The following TM6SF1 variants were observed in gnomAD, a reference collection of about 807,000 sequenced individuals.
TM6SF1 encodes the protein transmembrane 6 superfamily member 1.
TM6SF1 carries 43 observed loss-of-function variants against 47.1 expected under a neutral mutation model. The ratio of observed to expected loss-of-function variants is 0.91; its 90% CI spans 0.72 to 1.18. The LOEUF is 1.18. Ranked by LOEUF, TM6SF1 falls within the 50% of genes most tolerant of loss-of-function variation. The probability of loss-of-function intolerance (pLI) is 0.00; values close to 1 mark genes in which losing one functional copy is unlikely to be tolerated. For synonymous variants in TM6SF1, 177 were observed against 166.3 expected, an observed-to-expected ratio of 1.06 and a Z score of -0.49; for missense variants, 390 against 449.0, an observed-to-expected ratio of 0.87 and a Z score of 1.19.
intron 3 of TM6SF1, among the ~76,000 whole-genome samples, chr15:83,119,147 A>G (rs1286731746): frequency 2.0e-5 from 3 of 152,182 alleles, no homozygotes; most frequent in Admixed American, 2.0e-4. Flanking sequence ...CAGCCCAGCA[A>G]GCCACGGGAT....
chr15:83,112,947 A>G (rs1596471028), intron 2 of TM6SF1, 47 bp downstream of exon 2: 2 of 1,431,854 alleles, frequency 1.4e-6, no homozygotes, highest in East Asian at 4.5e-5. Flanking sequence ...TAATAACACA[A>G]TACTTTCAGC....
In TM6SF1 at chr15:83,124,732, G is replaced by T; in HGVS notation, c.664G>T (p.Val222Leu). The T allele has an allele frequency of 6.2e-7, 1 of 1,614,164 alleles. No homozygotes were observed. The highest frequency in any genetic ancestry group is 8.5e-7 in the Non-Finnish European group (1 of 1,180,024). ...LRRPFDLMLV[V>L]CLLLATGFCL... ...AAGACCATTTGATTTAATGTTGGTTGTGTGTCTCCTCCTGGCAACTGGATT... is the reference window on the plus strand; with the variant it reads ...AAGACCATTTGATTTAATGTTGGTTTTGTGTCTCCTCCTGGCAACTGGATT... The change falls in exon 7 of 10, where the codon GTG becomes TTG. Residue 222 changes from valine (V) to leucine (L), a missense_variant. By Grantham distance (32) the Val-to-Leu change is conservative. Transcript: ENST00000322019.
intron 7 of TM6SF1, among the ~76,000 whole-genome samples, chr15:83,125,707 GGC>G (rs2035682025): frequency 6.6e-6 from 1 of 152,170 alleles, no homozygotes; most frequent in Non-Finnish European, 1.5e-5. Flanking sequence ...GAAGCCTGTT[GGC>G]GCGCGTAACA....
At chr15:83,133,445 T>A (rs1156347514) in intron 9 of TM6SF1, 2 of 152,244 alleles carry the variant, frequency 1.3e-5, no homozygotes, top group Non-Finnish European at 2.9e-5. Context: ...TTGTTCACCT[T>A]ATTGTCTCAT....
intron 7 of TM6SF1, among the ~76,000 whole-genome samples, chr15:83,125,101 AGGAT>A (rs1334983286): frequency 6.6e-6 from 1 of 152,182 alleles, no homozygotes; most frequent in Non-Finnish European, 1.5e-5. Context: ...ATCTTTGGTA[AGGAT>A]GGCACCCTAG....
chr15:83,118,284 G>A (rs2034888255), intron 3 of TM6SF1, among the ~76,000 whole-genome samples: 1 of 152,062 alleles, frequency 6.6e-6, no homozygotes, highest in African/African-American at 2.4e-5. Flanking sequence ...GAGCAAGAGA[G>A]AGAGAGGCAA....
intron 7 of TM6SF1, 128 bp downstream of exon 7, chr15:83,124,904 A>T: frequency 1.2e-6 from 1 of 801,074 alleles, no homozygotes; most frequent in Non-Finnish European, 2.0e-6. Context: ...CATTCCTCCC[A>T]TCAAAGCCTG....
intron 3 of TM6SF1, among the ~76,000 whole-genome samples, chr15:83,116,932 T>G (rs1398787167): frequency 2.6e-5 from 4 of 152,144 alleles, no homozygotes; most frequent in Non-Finnish European, 1.5e-5. Flanking sequence ...TGCAGACATT[T>G]GTTGAAGGGG....
rs993490763 is a variant in TM6SF1, at chr15:83,120,587, CTTTTTT to C, written c.398+922_398+927del. 4.8e-5 allele frequency among the ~76,000 whole-genome samples: 6 copies of C among 125,944 alleles called. No individual in the cohort carries two copies. In the East Asian group the frequency reaches 7.2e-4, roughly 15 times the overall value. 82.6% of individuals were successfully genotyped at this position (125,944 alleles called of 152,430 possible). ...CACTCAAGGTCAGCTCCAGCTAATT[CTTTTTT>C]TTTTTTTTTTTTTTTGAGACAGGCT... On this transcript the variant is annotated intron_variant, in intron 4 of 9. Coordinates refer to ENST00000322019, the MANE Select transcript of TM6SF1 (RefSeq NM_023003.5).
intron 1 of TM6SF1, chr15:83,111,607 G>A (rs1031039433): frequency 2.0e-6 from 2 of 985,266 alleles, no homozygotes; most frequent in East Asian, 1.1e-4. Flanking sequence ...AGGTCCCGAT[G>A]TTGGGCTGTG....
At chr15:83,109,900 C>T (rs2151330946) in intron 1 of TM6SF1, among the ~76,000 whole-genome samples, 1 of 152,322 alleles carries the variant, frequency 6.6e-6, no homozygotes, top group South Asian at 2.1e-4. Flanking sequence ...TTTATGGCCA[C>T]TTCTACCTTC....
intron 4 of TM6SF1, among the ~76,000 whole-genome samples, chr15:83,121,571 A>G (rs143260474): frequency 1.3e-4 from 20 of 152,206 alleles, no homozygotes; most frequent in African/African-American, 4.3e-4. Flanking sequence ...TATGGATCCA[A>G]TTTCATTTCT....
rs924664831 is a variant in TM6SF1, at chr15:83,107,883, A to T, written c.92+111A>T. The T allele has an allele frequency of 7.4e-7, 1 of 1,345,156 alleles. No homozygotes were observed. Among genetic ancestry groups the T allele is most frequent in the East Asian group, 3.2e-5 (1 of 31,648 alleles). The allele number at this position is 1,345,156 out of a possible 1,614,324, so 83.3% of individuals were successfully genotyped here. A position where few individuals can be genotyped will look rare whatever the true frequency, so the allele number is the denominator to read the frequency against. ...GGGCTGGGACCGTCCGCCGCGGGAC[A>T]GAGGTTCGTGGCCGCAGGGGCTCCC... On this transcript the variant is annotated intron_variant, in intron 1 of 9. Transcript: ENST00000322019. This position sits in a 1 kb window ranked among gnomAD's most constrained non-coding sequence, Gnocchi z 5.6.
rs191725885 is a variant in TM6SF1 at position 83,116,495 on chromosome 15, A to T, written c.294+553A>T. Among the ~76,000 whole-genome samples the T allele has an allele frequency of 3.3e-5, 5 of 152,368 alleles. No homozygotes were observed. In the East Asian group the frequency reaches 9.6e-4, roughly 29 times the overall value. The stretch of plus-strand genomic sequence containing the variant: ...TGACTTATTCAAGGTGACACAGGAA[A>T]TGAGGAAAAGGGCTCAAAGCAGATT... On this transcript the variant is annotated intron_variant, in intron 3 of 9. Coordinates refer to ENST00000322019, the MANE Select transcript of TM6SF1 (RefSeq NM_023003.5).
intron 7 of TM6SF1, among the ~76,000 whole-genome samples, chr15:83,125,548 T>C (rs545729576): frequency 1.3e-5 from 2 of 152,370 alleles, no homozygotes; most frequent in South Asian, 2.1e-4. Context: ...GAGGCTCTTA[T>C]ACATAGTAAA....
intron 1 of TM6SF1, among the ~76,000 whole-genome samples, chr15:83,108,614 C>T (rs1460695464): frequency 2.0e-5 from 3 of 152,218 alleles, no homozygotes; most frequent in Non-Finnish European, 4.4e-5. Flanking sequence ...GCCTGAGGGT[C>T]GCCGGGTGTT....
At chr15:83,136,337 G>A (rs2036603433) in intron 9 of TM6SF1, 144 bp from the exon 10 acceptor site, 3 of 537,050 alleles carry the variant, frequency 5.6e-6, no homozygotes, top group South Asian at 8.3e-5. Flanking sequence ...TAAAGACTCT[G>A]GATTGTTTGA....
chr15:83,107,716 G>A lies in TM6SF1; in HGVS notation c.36G>A (p.Leu12=). 6.3e-7 allele frequency: 1 copy of A among 1,575,556 alleles called. No homozygotes were observed. Residue 12 remains leucine, a synonymous_variant, in exon 1 of 10, where the codon CTG becomes CTA. Transcript: ENST00000322019. The surrounding 1 kb of genome is among the most constrained non-coding windows in gnomAD (Gnocchi z 5.6). ...SASAATGVFV[L]SLSAIPVTYV... is the part of the protein sequence containing the mutation. Reference sequence around the variant, plus strand: ...CTGCGGCCACCGGGGTCTTCGTGCTGTCCCTCTCGGCCATCCCGGTCACCT... The same window carrying A: ...CTGCGGCCACCGGGGTCTTCGTGCTATCCCTCTCGGCCATCCCGGTCACCT...
At chr15:83,127,529 G>C (rs1487366979) in intron 9 of TM6SF1, 52 bp downstream of exon 9, 9 of 1,599,616 alleles carry the variant, frequency 5.6e-6, no homozygotes, top group Non-Finnish European at 7.7e-6. Flanking sequence ...GGTGTCAATT[G>C]TTGAATATAT....
Sources: gnomAD v4.1 joint callset for allele counts (sites outside exome capture counted in the v4.1 genomes callset) on GRCh38, gnomAD v4.1.1 for gene constraint, Gnocchi (gnomAD v3.1) non-coding constraint, MANE v1.5 for transcripts, NCBI Gene and HGNC (gene_info 2026-07-23, HGNC 2026-07-21) for gene names.